The following STK31 variants were observed in gnomAD, a reference collection of about 807,000 sequenced individuals.
The protein encoded by STK31 is serine/threonine-protein kinase 31.
STK31 carries 89 observed loss-of-function variants against 129.7 expected under a neutral mutation model. The observed-to-expected ratio is 0.69, with a 90% CI of 0.58 to 0.82. The LOEUF is 0.82. Ranked by LOEUF, STK31 falls within the 40% of genes least tolerant of loss-of-function variation. The probability of loss-of-function intolerance (pLI) is 0.00; values close to 1 mark genes in which losing one functional copy is unlikely to be tolerated. For missense variants in STK31, 1,187 were observed against 1,176.4 expected (o/e 1.01, Z -0.13); for synonymous variants, 448 against 395.3 (o/e 1.13, Z -1.58).
intron 22 of STK31, 51 bp from the exon 23 acceptor site, chr7:23,815,093 A>T: frequency 7.5e-7 from 1 of 1,334,604 alleles, no homozygotes; most frequent in Non-Finnish European, 1.0e-6. Flanking sequence ...TCTTCTATAG[A>T]TTGGCGTATT....
chr7:23,773,149 C>T (rs1388597704), intron 15 of STK31, among the ~76,000 whole-genome samples: 1 of 152,026 alleles, frequency 6.6e-6, no homozygotes, highest in Non-Finnish European at 1.5e-5. Context: ...CACCCATCAA[C>T]CCGTCACCTA....
chr7:23,810,499 AATTTTCTACC>A (rs1381066735), intron 22 of STK31, among the ~76,000 whole-genome samples: 318 of 16,894 alleles, frequency 0.019, 49 homozygotes, highest in African/African-American at 0.13. Flanking sequence ...TACTTGAAAA[AATTTTCTACC>A]ATTGTATTAC....
At chr7:23,748,876 C>T (rs1371877869) in intron 8 of STK31, among the ~76,000 whole-genome samples, 1 of 152,286 alleles carries the variant, frequency 6.6e-6, no homozygotes, top group African/African-American at 2.4e-5. Flanking sequence ...CATAAATTTT[C>T]AAGACTGTTG....
chr7:23,710,236 G>C lies in STK31; in HGVS notation c.-50G>C. The C allele has an allele frequency of 1.3e-6, 2 of 1,590,378 alleles. No individual in the cohort carries two copies. The highest frequency in any genetic ancestry group is 1.7e-6 in the Non-Finnish European group (2 of 1,166,880). On this transcript the variant is annotated 5_prime_UTR_variant, in exon 1 of 24. Coordinates refer to ENST00000355870, the MANE Select transcript of STK31 (RefSeq NM_031414.5). ...GGGCCCTTGCGGTCGAAGCTCACGC[G>C]GTAAGCCGCTGCACGTGTGCTACGG...
chr7:23,747,141 G>A (rs879685684), intron 8 of STK31, among the ~76,000 whole-genome samples: 6 of 152,004 alleles, frequency 3.9e-5, no homozygotes, highest in Admixed American at 3.9e-4. Flanking sequence ...TTCTTTTTGT[G>A]TAATGTTGTT....
At chr7:23,721,763 C>G (rs1389109200) in intron 4 of STK31, 1 of 697,066 alleles carries the variant, frequency 1.4e-6, no homozygotes, top group Non-Finnish European at 2.7e-6. Flanking sequence ...TTTCCTTTCC[C>G]AAGTGTTTTG....
intron 23 of STK31, among the ~76,000 whole-genome samples, chr7:23,822,350 C>T (rs1793834047): frequency 6.6e-6 from 1 of 151,882 alleles, no homozygotes; most frequent in Admixed American, 6.6e-5. Flanking sequence ...TATCTTCCAC[C>T]TCTCTGTTTA....
chr7:23,715,737 C>G (rs1246882040), intron 3 of STK31, among the ~76,000 whole-genome samples: 1 of 152,108 alleles, frequency 6.6e-6, no homozygotes, highest in African/African-American at 2.4e-5. Context: ...TATGCTGAGA[C>G]TTTGATATTC....
chr7:23,812,660 C>T (rs908895125), intron 22 of STK31, among the ~76,000 whole-genome samples: 3 of 151,862 alleles, frequency 2.0e-5, no homozygotes, highest in Non-Finnish European at 4.4e-5. Context: ...ATACCCCACC[C>T]CTTTCCCACC....
At chr7:23,735,177 C>T (rs1787646632) in intron 6 of STK31, among the ~76,000 whole-genome samples, 1 of 152,010 alleles carries the variant, frequency 6.6e-6, no homozygotes, top group South Asian at 2.1e-4. Flanking sequence ...TTCTAGATAT[C>T]AGAGATTCAT....
intron 14 of STK31, chr7:23,771,359 G>A (rs1277381015): frequency 3.2e-5 from 10 of 309,112 alleles, no homozygotes; most frequent in Non-Finnish European, 1.2e-5. Context: ...CTTTTTGCCT[G>A]TATGAGTCTA....
intron 23 of STK31, among the ~76,000 whole-genome samples, chr7:23,831,302 A>G (rs1277169610): frequency 1.3e-5 from 2 of 152,120 alleles, no homozygotes; most frequent in Non-Finnish European, 2.9e-5. Context: ...GGATCCATGT[A>G]TATGTTTAGA....
At chr7:23,764,928 A>G (rs993758246) in intron 11 of STK31, among the ~76,000 whole-genome samples, 1 of 146,244 alleles carries the variant, frequency 6.8e-6, no homozygotes, top group African/African-American at 2.5e-5. Context: ...TTTAACTACT[A>G]TGTAATCTTA....
intron 20 of STK31, among the ~76,000 whole-genome samples, chr7:23,787,378 G>T (rs1235243187): frequency 6.6e-6 from 1 of 152,070 alleles, no homozygotes; most frequent in African/African-American, 2.4e-5. Flanking sequence ...TACATGGTTG[G>T]TATTTGTAAT....
At chr7:23,712,348 A>G in intron 3 of STK31, 62 bp downstream of exon 3, 2 of 1,473,946 alleles carry the variant, frequency 1.4e-6, no homozygotes, top group Non-Finnish European at 1.9e-6. Flanking sequence ...TCCCCAACAA[A>G]AACAAAAATA....
rs779980208 is a variant in STK31, at chr7:23,785,591, A to G, written c.2262A>G (p.Ile754Met). The change falls in exon 18 of 24, where the codon ATA becomes ATG. Residue 754 changes from isoleucine to methionine, a missense_variant. By Grantham distance (10) the Ile-to-Met change is conservative. Around this residue, in one of 5 missense-constraint regions of STK31, gnomAD observed 975 missense variants for 934.9 expected, o/e 1.04. Coordinates refer to ENST00000355870, the MANE Select transcript of STK31 (RefSeq NM_031414.5). Reference protein sequence around the residue: ...PLVRSEVNGQIILLKGYSVDV... With the variant: ...PLVRSEVNGQMILLKGYSVDV... ...TACGTTCTGAGGTTAATGGGCAGAT[A>G]ATTCTGTTAAAGGTAAGTCTAACTT... The G allele has an allele frequency of 6.2e-7, 1 of 1,612,912 alleles. No individual in the cohort carries two copies. Among genetic ancestry groups the G allele is most frequent in the South Asian group, 1.1e-5 (1 of 91,024 alleles).
At chr7:23,810,779 T>TATATATAA (rs1175959139) in intron 22 of STK31, among the ~76,000 whole-genome samples, 1 of 107,440 alleles carries the variant, frequency 9.3e-6, no homozygotes, top group Non-Finnish European at 1.8e-5. Context: ...AAATATATAT[T>TATATATAA]ATATATAAAT....
At chr7:23,785,717 G>C (rs1209318666) in intron 18 of STK31, 114 bp downstream of exon 18, 6 of 1,343,380 alleles carry the variant, frequency 4.5e-6, no homozygotes, top group Non-Finnish European at 5.9e-6. Flanking sequence ...TGTATAAGTT[G>C]ACTGGCATGA....
chr7:23,793,180 A>G (rs779817130), intron 22 of STK31, among the ~76,000 whole-genome samples: 10 of 152,248 alleles, frequency 6.6e-5, no homozygotes, highest in Admixed American at 1.3e-4. Context: ...AAAATGATAC[A>G]GGCCAACTCA....
Sources: gnomAD v4.1 joint callset for allele counts (sites outside exome capture counted in the v4.1 genomes callset) on GRCh38, gnomAD v4.1.1 for gene constraint, gnomAD v4.1.1 regional missense constraint, MANE v1.5 for transcripts, NCBI Gene and HGNC (gene_info 2026-07-23, HGNC 2026-07-21) for gene names.